The following SOS1 variants were observed in gnomAD, a reference collection of about 807,000 sequenced individuals.
The protein encoded by SOS1 is SOS Ras/Rac guanine nucleotide exchange factor 1, also known as son of sevenless homolog 1.
SOS1 carries 25 observed loss-of-function variants against 157.6 expected under a neutral mutation model. The observed-to-expected ratio is 0.16, with a 90% CI of 0.12 to 0.22. The LOEUF (loss-of-function observed/expected upper bound fraction) is 0.22, where lower values mean the gene tolerates loss of function less well. SOS1 is among the 10% of genes least tolerant of loss of function. The pLI is 1.00. For missense variants in SOS1, 1,237 were observed against 1,599.1 expected, an observed-to-expected ratio of 0.77 and a Z score of 3.86; for synonymous variants, 528 against 534.0, an observed-to-expected ratio of 0.99 and a Z score of 0.16.
intron 1 of SOS1, among the ~76,000 whole-genome samples, chr2:39,085,551 T>G (rs1265353244): frequency 6.6e-6 from 1 of 152,238 alleles, no homozygotes; most frequent in Non-Finnish European, 1.5e-5. Flanking sequence ...GAGATTCTAG[T>G]TTTTAGTAAA....
chr2:39,038,130 C>T (rs1670421110), intron 6 of SOS1, among the ~76,000 whole-genome samples: 1 of 152,176 alleles, frequency 6.6e-6, no homozygotes, highest in African/African-American at 2.4e-5. Context: ...AGTGATTCCT[C>T]TGCTGCAGCT....
chr2:39,094,414 G>C lies in SOS1; in HGVS notation c.87+25922C>G, dbSNP rs553868632. Among the ~76,000 whole-genome samples, 28 of 152,204 alleles carry C rather than the reference G, an allele frequency of 1.8e-4. No homozygotes were observed. In the South Asian group the frequency reaches 5.8e-3, roughly 32 times the overall value. On this transcript the variant is annotated intron_variant, in intron 1 of 22. Transcript: ENST00000402219. The stretch of plus-strand genomic sequence containing the variant: ...TGTAATCCCAGCTCTTTGGGAGGCC[G>C]AGGCAGGTGGATCACGAGGTCAGGA...
intron 6 of SOS1, among the ~76,000 whole-genome samples, chr2:39,048,980 C>A (rs544461552): frequency 2.6e-5 from 4 of 152,030 alleles, no homozygotes; most frequent in African/African-American, 9.7e-5. Flanking sequence ...GGCAGTGGTG[C>A]GATCTCGGCT....
At chr2:39,121,405 A>G (rs1190144926), upstream of SOS1, among the ~76,000 whole-genome samples, 1 of 152,254 alleles carries the variant, frequency 6.6e-6, no homozygotes, top group African/African-American at 2.4e-5. Context: ...CGCAATGTAT[A>G]GTAAACAGAC....
At chr2:39,096,755 G>A (rs931702699) in intron 1 of SOS1, among the ~76,000 whole-genome samples, 8 of 152,048 alleles carry the variant, frequency 5.3e-5, no homozygotes, top group Middle Eastern at 3.4e-3. Flanking sequence ...ATGTGGTGGC[G>A]GGCGCCTGTA....
chr2:39,065,637 C>T (rs1181029506), intron 2 of SOS1, among the ~76,000 whole-genome samples: 1 of 152,110 alleles, frequency 6.6e-6, no homozygotes, highest in Non-Finnish European at 1.5e-5. Flanking sequence ...CCATGTTTTT[C>T]CATTATATGT....
chr2:39,089,527 C>A (rs1326134095), intron 1 of SOS1, among the ~76,000 whole-genome samples: 2 of 49,502 alleles, frequency 4.0e-5, no homozygotes, highest in Non-Finnish European at 8.4e-5. Context: ...AAGACTCTGT[C>A]TCCAAAAAAA....
At chr2:39,059,437 T>A (rs192155120) in intron 2 of SOS1, among the ~76,000 whole-genome samples, 1 of 152,164 alleles carries the variant, frequency 6.6e-6, no homozygotes, top group Admixed American at 6.5e-5. Context: ...CAGGTTACTA[T>A]CACAGCTGAA....
At chr2:39,103,521 G>A (rs371894128) in intron 1 of SOS1, among the ~76,000 whole-genome samples, 13 of 152,322 alleles carry the variant, frequency 8.5e-5, no homozygotes, top group African/African-American at 3.1e-4. Context: ...ACTGATTTGT[G>A]CCAAGTCCAT....
intron 6 of SOS1, among the ~76,000 whole-genome samples, chr2:39,039,853 T>A (rs1670494803): frequency 6.6e-6 from 1 of 152,140 alleles, no homozygotes; most frequent in African/African-American, 2.4e-5. Flanking sequence ...TAGGCAACCA[T>A]AAATCTACTT....
rs145341677 is a variant in SOS1 at position 39,111,941 on chromosome 2, G to A, written c.87+8395C>T. On this transcript the variant is annotated intron_variant, in intron 1 of 22. Transcript: ENST00000402219. ...AGTGAGGTTTTGCCATGTTGGCCAG[G>A]CTGGTCTTGAACTCCTGAGCTCAAG... Among the ~76,000 whole-genome samples the A allele has an allele frequency of 5.7e-3, 862 of 152,112 alleles. 5 individuals are homozygous for A. Among genetic ancestry groups the A allele is most frequent in the Non-Finnish European group, 8.9e-3 (606 of 67,998 alleles).
In SOS1 at chr2:38,986,472, A is replaced by T. The variant is rs754791480; in HGVS notation, c.3511-157T>A. Among the ~76,000 whole-genome samples, 213 of 149,084 alleles carry T rather than the reference A, an allele frequency of 1.4e-3. 1 individual carries two copies. The highest frequency in any genetic ancestry group is 4.0e-3 in the African/African-American group (162 of 40,728). Reference sequence around the variant, plus strand: ...ATGTTTTCTTTTTAATTAAAAAAAAATTTTTTTTTTTGAGACAATGCCTTG... The same window carrying T: ...ATGTTTTCTTTTTAATTAAAAAAAATTTTTTTTTTTTGAGACAATGCCTTG... On this transcript the variant is annotated intron_variant, in intron 22 of 22. Transcript: ENST00000402219.
chr2:39,067,622 T>C lies in SOS1; in HGVS notation c.213+6A>G, dbSNP rs188634936. 3.7e-6 allele frequency: 6 copies of C among 1,612,716 alleles called. No homozygotes were observed. In the East Asian group the frequency reaches 1.3e-4, roughly 36 times the overall value. On this transcript the variant is annotated splice_donor_region_variant and intron_variant, in intron 2 of 22. Transcript: ENST00000402219. ...TAAAGTAAATACAAGACAACATTTGTCATACCTCTACATCTGAAGCACTTC... is the reference window on the plus strand; with the variant it reads ...TAAAGTAAATACAAGACAACATTTGCCATACCTCTACATCTGAAGCACTTC...
chr2:39,077,845 C>G (rs1435277837), intron 1 of SOS1, among the ~76,000 whole-genome samples: 1 of 152,086 alleles, frequency 6.6e-6, no homozygotes, highest in Non-Finnish European at 1.5e-5. Flanking sequence ...GCAAAAGATT[C>G]AGAAACTTTT....
At chr2:39,039,323 CATGA>C (rs1170950660) in intron 6 of SOS1, among the ~76,000 whole-genome samples, 3 of 152,152 alleles carry the variant, frequency 2.0e-5, no homozygotes, top group African/African-American at 7.2e-5. Context: ...TGCACATATG[CATGA>C]ATATTTTTTA....
chr2:38,996,343 GC>G (rs1336758851), intron 19 of SOS1, among the ~76,000 whole-genome samples: 1 of 152,186 alleles, frequency 6.6e-6, no homozygotes, highest in Non-Finnish European at 1.5e-5. Context: ...ACCCGCCTCA[GC>G]TTCCCAAAGT....
chr2:39,106,904 T>C (rs1342412326), intron 1 of SOS1, among the ~76,000 whole-genome samples: 2 of 152,232 alleles, frequency 1.3e-5, no homozygotes, highest in Non-Finnish European at 2.9e-5. Flanking sequence ...GGGGTGTTAC[T>C]TGAATTGTTT....
At chr2:39,087,805 C>T (rs776968115) in intron 1 of SOS1, among the ~76,000 whole-genome samples, 9 of 152,158 alleles carry the variant, frequency 5.9e-5, no homozygotes, top group African/African-American at 1.2e-4. Flanking sequence ...CGGCCTCTAG[C>T]GTAACTGGGA....
chr2:39,016,514 A>G (rs2124523717), intron 10 of SOS1, among the ~76,000 whole-genome samples: 1 of 152,204 alleles, frequency 6.6e-6, no homozygotes, highest in African/African-American at 2.4e-5. Context: ...TTTCATCACA[A>G]TCTTCCCTTT....
Sources: allele counts gnomAD v4.1 joint callset (sites outside exome capture counted in the v4.1 genomes callset), GRCh38; gene constraint gnomAD v4.1.1; transcripts MANE v1.5; gene names NCBI Gene and HGNC (gene_info 2026-07-23, HGNC 2026-07-21).